Variants in DKKL1 observed in about 807,000 individuals in gnomAD.
DKKL1 encodes dickkopf-like protein 1.
In DKKL1, 11 loss-of-function variants were observed where a neutral mutation model predicts 16.5. The observed-to-expected ratio is 0.67, with a 90% confidence interval of 0.42 to 1.10. The LOEUF is 1.10. Among genes scored for constraint, DKKL1 ranks in the 50% least tolerant of loss-of-function variants. DKKL1 has a pLI of 0.00. For missense variants in DKKL1, 320 were observed against 308.1 expected, an observed-to-expected ratio of 1.04 and a Z score of -0.29; for synonymous variants, 119 against 133.2, an observed-to-expected ratio of 0.89 and a Z score of 0.73.
chr19:49,365,885 G>A lies in DKKL1; in HGVS notation c.417G>A (p.Lys139=), dbSNP rs761109315. Residue 139 remains lysine (K), a splice_region_variant and synonymous_variant, in exon 4 of 5, where the codon AAG becomes AAA. Coordinates refer to ENST00000221498, the MANE Select transcript of DKKL1 (RefSeq NM_014419.4). ...AGGGGAGCTTCGAGGGTGATTTGAA[G>A]GTTAGGACGTGCCCCGCCGTCAAAG... is the stretch of plus-strand genomic sequence containing the variant. ...PAEGSFEGDL[K]VPRMEEKEAL... is the part of the protein sequence containing the mutation. The A allele has an allele frequency of 2.5e-6, 4 of 1,613,260 alleles. No individual in the cohort carries two copies. Among genetic ancestry groups the A allele is most frequent in the Non-Finnish European group, 8.5e-7 (1 of 1,179,746 alleles).
In DKKL1 at chr19:49,364,549, T is replaced by C. The variant is rs776690008; in HGVS notation, c.11-33T>C. ...GCGTCTTGGGTGGGGGCGTGGCCAC[T>C]GTGCGGGGCTCTGACCCCGACCCTT... On this transcript the variant is annotated intron_variant, in intron 1 of 4. Coordinates refer to ENST00000221498, the MANE Select transcript of DKKL1 (RefSeq NM_014419.4). 1.0e-5 allele frequency: 16 copies of C among 1,574,916 alleles called. No homozygotes were observed. In the African/African-American group the frequency reaches 1.4e-4, roughly 13 times the overall value.
At chr19:49,372,693 CAAAA>C (rs1228752175) in intron 4 of DKKL1, among the ~76,000 whole-genome samples, 1 of 115,934 alleles carries the variant, frequency 8.6e-6, no homozygotes, top group Non-Finnish European at 1.8e-5. Context: ...GACTCCGTCT[CAAAA>C]AAAAAAAAAA....
At chr19:49,373,635 A>G (rs1228536752) in intron 4 of DKKL1, among the ~76,000 whole-genome samples, 2 of 151,932 alleles carry the variant, frequency 1.3e-5, no homozygotes, top group African/African-American at 4.8e-5. Flanking sequence ...ACGCCCAGCT[A>G]ATTTTCATAT....
At chr19:49,365,179 A>ATACGTGCATAAATATATATATATATATAT (rs1304732852) in intron 2 of DKKL1, among the ~76,000 whole-genome samples, 7 of 151,988 alleles carry the variant, frequency 4.6e-5, no homozygotes, top group African/African-American at 1.7e-4. Context: ...TAAACAAATA[A>ATACGTGCATAAATATATATATATATATAT]ATATATACGT....
intron 1 of DKKL1, 152 bp downstream of exon 1, chr19:49,364,160 G>A (rs1326342863): frequency 2.3e-5 from 24 of 1,065,450 alleles, no homozygotes; most frequent in Non-Finnish European, 3.1e-5. Context: ...GACCAGCCTG[G>A]GCAATATGTC....
chr19:49,365,925 C>T, intron 4 of DKKL1, 40 bp downstream of exon 4: 2 of 1,575,596 alleles, frequency 1.3e-6, no homozygotes, highest in Non-Finnish European at 1.7e-6. Flanking sequence ...CAGGCCCAAA[C>T]ATTTTCTTTT....
At chr19:49,368,702 G>A (rs1973356113) in intron 4 of DKKL1, 1 of 152,120 alleles carries the variant, frequency 6.6e-6, no homozygotes, top group South Asian at 2.1e-4. Flanking sequence ...AATCACAAGT[G>A]TTAGAAATAA....
upstream of DKKL1, among the ~76,000 whole-genome samples, chr19:49,362,079 T>A (rs1157757931): frequency 2.0e-5 from 3 of 152,046 alleles, no homozygotes; most frequent in African/African-American, 7.2e-5. Flanking sequence ...CACTCCAAAG[T>A]GACACCGCCG....
At chr19:49,366,839 C>A (rs1013608785) in intron 4 of DKKL1, among the ~76,000 whole-genome samples, 2 of 151,378 alleles carry the variant, frequency 1.3e-5, no homozygotes. Context: ...TCCGGAATAG[C>A]TGGAACTACA....
intron 4 of DKKL1, among the ~76,000 whole-genome samples, chr19:49,371,997 G>A (rs1306641843): frequency 1.3e-5 from 2 of 152,018 alleles, no homozygotes; most frequent in African/African-American, 2.4e-5. Flanking sequence ...TATGTGCCAT[G>A]TTTTCTTTAT....
At position 49,366,691 on chromosome 19, in the gene DKKL1, G is replaced by GT. The variant is rs889650400; in HGVS notation, c.417+814dup. Among the ~76,000 whole-genome samples, 67 of 141,936 alleles carry GT rather than the reference G, an allele frequency of 4.7e-4. 2 individuals are homozygous for GT. The East Asian group carries it at 0.011, about 24-fold the overall frequency. 93.1% of individuals were successfully genotyped at this position (141,936 alleles called of 152,430 possible). On this transcript the variant is annotated intron_variant, in intron 4 of 4. Coordinates refer to ENST00000221498, the MANE Select transcript of DKKL1 (RefSeq NM_014419.4). ...TGTTATTGTGGTTTTGATTTTTGGG[G>GT]TTTTTTTTGTTTGTTTTTTTGGTTT...
intron 4 of DKKL1, among the ~76,000 whole-genome samples, chr19:49,373,811 C>G (rs1006551419): frequency 4.6e-5 from 7 of 152,138 alleles, no homozygotes; most frequent in Admixed American, 1.3e-4. Flanking sequence ...TGCGCGGCTT[C>G]TCAGACCTCA....
Position 49,364,721 on chromosome 19 carries a change from C to T in DKKL1, c.150C>T (p.Ser50=). 5 of 1,613,792 alleles carry T rather than the reference C, an allele frequency of 3.1e-6. No individual in the cohort carries two copies. Among genetic ancestry groups the T allele is most frequent in the Middle Eastern group, 1.7e-4 (1 of 6,052 alleles). The change falls in exon 2 of 5, where the codon AGC becomes AGT. Residue 50 remains serine, a synonymous_variant. Transcript: ENST00000221498. The stretch of plus-strand genomic sequence containing the variant: ...CCTTGGGTCTCACAGGCCTCCAGAG[C>T]CTACTCCAAGGCTTCAGCCGACTTT... ...ESSLGLTGLQ[S]LLQGFSRLFL... is the part of the protein sequence containing the mutation.
Position 49,374,867 on chromosome 19 carries a change from C to T in DKKL1, c.568C>T (p.Leu190Phe), listed in dbSNP as rs752215484. The T allele has an allele frequency of 1.9e-6, 3 of 1,613,896 alleles. No homozygotes were observed. The highest frequency in any genetic ancestry group is 2.5e-6 in the Non-Finnish European group (3 of 1,179,988). Residue 190 changes from leucine (L) to phenylalanine (F), a missense_variant, in exon 5 of 5, where the codon CTC (leucine) becomes TTC (phenylalanine). Physicochemically the swap from Leu to Phe is conservative, Grantham distance 22. Transcript: ENST00000221498. ...HQDALEGGHWLSEKRHRLQAI... is the reference protein window; with the variant it reads ...HQDALEGGHWFSEKRHRLQAI... ...GGATGCCCTGGAGGGCGGCCACTGG[C>T]TCAGCGAGAAGCGACACCGCCTGCA...
intron 1 of DKKL1, 107 bp from the exon 2 acceptor site, chr19:49,364,475 G>A (rs1450744849): frequency 5.8e-6 from 5 of 862,250 alleles, no homozygotes; most frequent in Non-Finnish European, 1.8e-6. Flanking sequence ...AGCGCGGTGT[G>A]GGAGTTGCCT....
upstream of DKKL1, among the ~76,000 whole-genome samples, chr19:49,362,795 C>CT (rs1859518378): frequency 6.6e-6 from 1 of 151,766 alleles, no homozygotes; most frequent in African/African-American, 2.4e-5. Flanking sequence ...GGCTAGGCGC[C>CT]TGGAATCCCG....
chr19:49,365,995 T>C, intron 4 of DKKL1, 110 bp downstream of exon 4: 1 of 987,136 alleles, frequency 1.0e-6, no homozygotes. Context: ...TGGCACGATC[T>C]TGGCTCACTG....
chr19:49,363,782 G>A (rs1176850555), upstream of DKKL1: 2 of 642,124 alleles, frequency 3.1e-6, no homozygotes, highest in East Asian at 2.8e-5. Context: ...ATGGAGTAGA[G>A]GCCCGGGCTC....
At chr19:49,370,117 T>C (rs1973418570) in intron 4 of DKKL1, 1 of 152,236 alleles carries the variant, frequency 6.6e-6, no homozygotes. Context: ...GAAGATATCC[T>C]GGAAGGATAC....
Sources: gnomAD v4.1 joint callset for allele counts (sites outside exome capture counted in the v4.1 genomes callset) on GRCh38, gnomAD v4.1.1 for gene constraint, MANE v1.5 for transcripts, NCBI Gene and HGNC (gene_info 2026-07-23, HGNC 2026-07-21) for gene names.